The following DPP9 variants were observed in gnomAD, a reference collection of about 807,000 sequenced individuals.
The protein encoded by DPP9 is dipeptidyl peptidase IV-related protein-2.
Under a neutral mutation model 110.7 loss-of-function variants are expected in DPP9, and 50 were observed. That is an observed-to-expected ratio of 0.45 (90% CI 0.36 to 0.57). The LOEUF (loss-of-function observed/expected upper bound fraction) is 0.57, where lower values mean the gene tolerates loss of function less well. DPP9 is among the 20% of genes least tolerant of loss of function. The probability of loss-of-function intolerance (pLI) is 0.00; values close to 1 mark genes in which losing one functional copy is unlikely to be tolerated. For missense variants in DPP9, 1,022 were observed against 1,217.9 expected (o/e 0.84, Z 2.39); for synonymous variants, 561 against 514.4 (o/e 1.09, Z -1.23).
At position 4,687,457 on chromosome 19, in the gene DPP9, C is replaced by T. The variant is rs906192423; in HGVS notation, c.1885+1300G>A. On this transcript the variant is annotated intron_variant, in intron 16 of 21. Coordinates refer to ENST00000262960, the MANE Select transcript of DPP9 (RefSeq NM_139159.5). This position sits in a 1 kb window ranked among gnomAD's most constrained non-coding sequence, Gnocchi z 4.7. ...CATGGTGATACGCTGATGTGTGTGA[C>T]GGAGCCAGCACTGGAACCCGGAGTC... Among the ~76,000 whole-genome samples, 1 of 152,192 alleles carries T rather than the reference C, an allele frequency of 6.6e-6. No homozygotes were observed. Among genetic ancestry groups the T allele is most frequent in the Non-Finnish European group, 1.5e-5 (1 of 68,040 alleles).
intron 21 of DPP9, chr19:4,679,617 G>T (rs2145283906): frequency 1.8e-6 from 1 of 559,766 alleles, no homozygotes; most frequent in South Asian, 2.1e-5. Flanking sequence ...CAGCACCGAA[G>T]GCAGGCGGAA....
Position 4,684,433 on chromosome 19 carries a change from G to C in DPP9, c.2178+230C>G. ...GCCATCACCACCGTCGTCATCACCAGTGTCAGCACAACTTGTCTCTGTCCC... is the reference window on the plus strand; with the variant it reads ...GCCATCACCACCGTCGTCATCACCACTGTCAGCACAACTTGTCTCTGTCCC... On this transcript the variant is annotated intron_variant, in intron 18 of 21. Coordinates refer to ENST00000262960, the MANE Select transcript of DPP9 (RefSeq NM_139159.5). The surrounding 1 kb of genome is among the most constrained non-coding windows in gnomAD (Gnocchi z 4.8). 1 of 573,194 alleles carries C rather than the reference G, an allele frequency of 1.7e-6. No homozygotes were observed. The highest frequency in any genetic ancestry group is 3.1e-6 in the Non-Finnish European group (1 of 323,578). The allele number at this position is 573,194 out of a possible 1,614,324, so 35.5% of individuals were successfully genotyped here. A position where few individuals can be genotyped will look rare whatever the true frequency, so the allele number is the denominator to read the frequency against.
At chr19:4,678,285 G>A (rs1403358914) in intron 21 of DPP9, among the ~76,000 whole-genome samples, 1 of 151,686 alleles carries the variant, frequency 6.6e-6, no homozygotes, top group African/African-American at 2.4e-5. Flanking sequence ...GCTAATTTTT[G>A]TATTTTTAGT....
In DPP9 at chr19:4,684,975, G is replaced by C. The variant is rs777808481; in HGVS notation, c.2032-166C>G. On this transcript the variant is annotated intron_variant, in intron 17 of 21. Transcript: ENST00000262960. This position sits in a 1 kb window ranked among gnomAD's most constrained non-coding sequence, Gnocchi z 4.8. ...GATGGACACCTGGGAGTGGCAAGGC[G>C]GGAGGGGCCCATACTCGGGACCCTG... The C allele has an allele frequency of 2.3e-6, 2 of 862,680 alleles. No homozygotes were observed. Among genetic ancestry groups the C allele is most frequent in the Non-Finnish European group, 1.9e-6 (1 of 532,570 alleles). The allele number at this position is 862,680 out of a possible 1,614,324, so 53.4% of individuals were successfully genotyped here.
rs566194439 is a variant in DPP9 at position 4,722,239 on chromosome 19, C to A, written c.-36+260G>T. 9 of 467,216 alleles carry A rather than the reference C, an allele frequency of 1.9e-5. No homozygotes were observed. The East Asian group carries it at 2.6e-4, about 13-fold the overall frequency. 28.9% of individuals were successfully genotyped at this position (467,216 alleles called of 1,614,324 possible). On this transcript the variant is annotated intron_variant, in intron 2 of 21. Transcript: ENST00000262960. ...GGATCCAGGCACCCCTCCACCAAAT[C>A]CTGCTGAAATCAGCACTCTCCCCTT...
chr19:4,700,341 C>A lies in DPP9; in HGVS notation c.1013-64G>T. The stretch of plus-strand genomic sequence containing the variant: ...CACCCGTGTGTGCCGAGAGCCGGCA[C>A]GGGGGGCCTGGGCTGTGGGGTGACG... On this transcript the variant is annotated intron_variant, in intron 9 of 21. Coordinates refer to ENST00000262960, the MANE Select transcript of DPP9 (RefSeq NM_139159.5). This position sits in a 1 kb window ranked among gnomAD's most constrained non-coding sequence, Gnocchi z 4.3. The A allele has an allele frequency of 7.0e-7, 1 of 1,425,200 alleles. No homozygotes were observed. Among genetic ancestry groups the A allele is most frequent in the Non-Finnish European group, 9.6e-7 (1 of 1,043,936 alleles). The allele number at this position is 1,425,200 out of a possible 1,614,324, so 88.3% of individuals were successfully genotyped here. A position where few individuals can be genotyped will look rare whatever the true frequency, so the allele number is the denominator to read the frequency against.
At chr19:4,707,933 G>C (rs1022733619) in intron 4 of DPP9, among the ~76,000 whole-genome samples, 2 of 152,038 alleles carry the variant, frequency 1.3e-5, no homozygotes, top group Non-Finnish European at 2.9e-5. Flanking sequence ...GCCCTTGCTT[G>C]CTTTTAAGAG....
rs1406085386 is a variant in DPP9 at position 4,676,774 on chromosome 19, G to A, written c.2587-118C>T. 7.5e-6 allele frequency: 6 copies of A among 801,156 alleles called. No individual in the cohort carries two copies. Among genetic ancestry groups the A allele is most frequent in the Non-Finnish European group, 2.1e-6 (1 of 482,378 alleles). The allele number at this position is 801,156 out of a possible 1,614,324, so 49.6% of individuals were successfully genotyped here. A position where few individuals can be genotyped will look rare whatever the true frequency, so the allele number is the denominator to read the frequency against. On this transcript the variant is annotated intron_variant, in intron 21 of 21. Transcript: ENST00000262960. This position sits in a 1 kb window ranked among gnomAD's most constrained non-coding sequence, Gnocchi z 4.0. ...AGGCGCAGGTGCTCTGAGGCCCAGT[G>A]ATCTGGGTTTGAATCCCACCTCGGC... is the stretch of plus-strand genomic sequence containing the variant.
chr19:4,688,663 C>T (rs1468846471), intron 16 of DPP9, 94 bp downstream of exon 16: 2 of 1,339,198 alleles, frequency 1.5e-6, no homozygotes, highest in Non-Finnish European at 1.9e-6. Flanking sequence ...AGGCCAGCTC[C>T]AGGCCTCTGC....
intron 11 of DPP9, among the ~76,000 whole-genome samples, chr19:4,696,794 C>T (rs1277660797): frequency 1.3e-5 from 2 of 151,968 alleles, no homozygotes; most frequent in East Asian, 1.9e-4. Context: ...CTCACACCCA[C>T]AGTCCTAGCA....
In DPP9 at chr19:4,702,709, G is replaced by A. The variant is rs1457089169; in HGVS notation, c.777C>T (p.Ser259=). ...RRLTFCHQGL[S]NVLDDPKSAG... ...CAGACTTGGGGTCATCCAGGACATT[G>A]GATAAACCTAGGGGGAGGGACGGAG... Residue 259 remains serine, a synonymous_variant, in exon 8 of 22, where the codon TCC becomes TCT. Transcript: ENST00000262960. The A allele has an allele frequency of 1.9e-6, 3 of 1,588,896 alleles. No individual in the cohort carries two copies. In the African/African-American group the frequency reaches 4.1e-5, roughly 22 times the overall value.
chr19:4,700,158 A>G lies in DPP9; in HGVS notation c.1074+58T>C. The G allele has an allele frequency of 7.2e-7, 1 of 1,393,628 alleles. No individual in the cohort carries two copies. Among genetic ancestry groups the G allele is most frequent in the Non-Finnish European group, 9.7e-7 (1 of 1,035,632 alleles). 86.3% of individuals were successfully genotyped at this position (1,393,628 alleles called of 1,614,324 possible). ...GACCTGCCCATCCACCCAGCTGCCT[A>G]CCCGGCCCTTCCCCGCATCATCTAG... is the stretch of plus-strand genomic sequence containing the variant. On this transcript the variant is annotated intron_variant, in intron 10 of 21. Coordinates refer to ENST00000262960, the MANE Select transcript of DPP9 (RefSeq NM_139159.5). The surrounding 1 kb of genome is among the most constrained non-coding windows in gnomAD (Gnocchi z 4.3).
intron 2 of DPP9, among the ~76,000 whole-genome samples, chr19:4,720,394 G>A (rs527750556): frequency 3.3e-5 from 5 of 152,272 alleles, no homozygotes; most frequent in South Asian, 4.1e-4. Flanking sequence ...GCTTCTGCAC[G>A]ACGCACCCCG....
Position 4,695,165 on chromosome 19 carries a change from T to C in DPP9, c.1353+213A>G, listed in dbSNP as rs2091683773. On this transcript the variant is annotated intron_variant, in intron 12 of 21. Transcript: ENST00000262960. This position sits in a 1 kb window ranked among gnomAD's most constrained non-coding sequence, Gnocchi z 4.7. Reference sequence around the variant, plus strand: ...CCCTGTCTCTAATTAAAGAAAAAAATAGATGAGGGGAGAGGCTCCAATGGC... The same window carrying C: ...CCCTGTCTCTAATTAAAGAAAAAAACAGATGAGGGGAGAGGCTCCAATGGC... 10 of 578,612 alleles carry C rather than the reference T, an allele frequency of 1.7e-5. No individual in the cohort carries two copies. In the Admixed American group the frequency reaches 2.7e-4, roughly 16 times the overall value. 35.8% of individuals were successfully genotyped at this position (578,612 alleles called of 1,614,324 possible).
At chr19:4,697,496 C>A in intron 11 of DPP9, 55 bp downstream of exon 11, 3 of 1,477,952 alleles carry the variant, frequency 2.0e-6, no homozygotes, top group Admixed American at 3.7e-5. Context: ...CGGTGGCTGC[C>A]CAGGGCCCAG....
chr19:4,712,782 C>T (rs1394166371), intron 4 of DPP9, among the ~76,000 whole-genome samples: 1 of 152,168 alleles, frequency 6.6e-6, no homozygotes, highest in Non-Finnish European at 1.5e-5. Context: ...CATCTGATTC[C>T]CACACAAGTC....
intron 16 of DPP9, chr19:4,688,342 C>A: frequency 5.7e-6 from 1 of 174,670 alleles, no homozygotes; most frequent in Non-Finnish European, 1.2e-5. Context: ...CTCCTACGTG[C>A]AAGCAATCCT....
At chr19:4,713,967 C>T (rs1243859765) in intron 4 of DPP9, 114 bp downstream of exon 4, 15 of 1,412,524 alleles carry the variant, frequency 1.1e-5, no homozygotes, top group Admixed American at 5.5e-5. Context: ...TGCCCAGGGC[C>T]CAGCCATCCG....
chr19:4,688,878 GA>G lies in DPP9; in HGVS notation c.1763del (p.Phe588SerfsTer8). On this transcript the variant is annotated frameshift_variant, in exon 16 of 22. Transcript: ENST00000262960. LOFTEE classifies it high-confidence loss of function. Reference sequence around the variant, plus strand: ...TGCTCACGCTGCTGTAGTGGCTGACGAACATGTCGAAGTTCTGGGGGTGGAA... The same window carrying G: ...TGCTCACGCTGCTGTAGTGGCTGACGACATGTCGAAGTTCTGGGGGTGGAA... ...SCSMSQNFDM[F>X]VSHYSSVSTP... 6.6e-7 allele frequency: 1 copy of G among 1,520,736 alleles called. No homozygotes were observed. Among genetic ancestry groups the G allele is most frequent in the Non-Finnish European group, 8.7e-7 (1 of 1,149,060 alleles). 94.2% of individuals were successfully genotyped at this position (1,520,736 alleles called of 1,614,324 possible). A position where few individuals can be genotyped will look rare whatever the true frequency, so the allele number is the denominator to read the frequency against.
Sources: allele counts gnomAD v4.1 joint callset (sites outside exome capture counted in the v4.1 genomes callset), GRCh38; gene constraint gnomAD v4.1.1; non-coding constraint Gnocchi (gnomAD v3.1); transcripts MANE v1.5; gene names NCBI Gene and HGNC (gene_info 2026-07-23, HGNC 2026-07-21).